Variants in C1orf54 observed in about 807,000 individuals in gnomAD.
The protein encoded by C1orf54 is chromosome 1 open reading frame 54.
A neutral mutation model predicts 14.7 loss-of-function variants in C1orf54; 12 were observed. The observed-to-expected ratio is 0.82, with a 90% CI of 0.52 to 1.32. C1orf54 has a LOEUF of 1.32. Ranked by LOEUF, C1orf54 falls within the 40% of genes most tolerant of loss-of-function variation. The pLI, the probability that C1orf54 is intolerant of heterozygous loss-of-function variation, is 0.00. For synonymous variants in C1orf54, 65 were observed against 56.3 expected (o/e 1.16, Z -0.70); for missense variants, 163 against 162.2 (o/e 1.00, Z -0.03).
upstream of C1orf54, chr1:150,268,834 T>G (rs781967022): frequency 2.5e-5 from 39 of 1,586,914 alleles, no homozygotes; most frequent in Admixed American, 4.4e-4. Flanking sequence ...GGAAGGGGGG[T>G]GGGGGCCTGA....
upstream of C1orf54, chr1:150,269,109 G>A: frequency 3.0e-6 from 1 of 334,122 alleles, no homozygotes; most frequent in Non-Finnish European, 5.8e-6. Context: ...GGAGCTGCTC[G>A]ACCTGCTGGG....
upstream of C1orf54, among the ~76,000 whole-genome samples, chr1:150,271,609 T>G (rs1478176736): frequency 6.6e-6 from 1 of 152,262 alleles, no homozygotes; most frequent in Admixed American, 6.5e-5. Context: ...CTCAATTGCC[T>G]ATCACACTAG....
chr1:150,272,858 T>C lies in C1orf54; in HGVS notation c.41T>C (p.Ile14Thr). ...GTAGCCATCTTTGCTGTGCCACTTA[T>C]CCTGGGTAAGTCCACTCCTCTCTCT... Reference protein sequence around the residue: ...LFVAIFAVPLILGQEYEDEER... With the variant: ...LFVAIFAVPLTLGQEYEDEER... The change falls in exon 1 of 6, where the codon ATC becomes ACC. Residue 14 changes from isoleucine (I) to threonine (T), a missense_variant. Transcript: ENST00000369099. 1.9e-6 allele frequency: 3 copies of C among 1,614,098 alleles called. No homozygotes were observed. Among genetic ancestry groups the C allele is most frequent in the Non-Finnish European group, 1.7e-6 (2 of 1,179,974 alleles).
chr1:150,270,981 G>A (rs1652168738), upstream of C1orf54, among the ~76,000 whole-genome samples: 1 of 113,856 alleles, frequency 8.8e-6, no homozygotes, highest in African/African-American at 3.4e-5. Flanking sequence ...GGGCAACAGA[G>A]TGAGACTCCG....
At chr1:150,277,322 T>C (rs1553852700) in intron 4 of C1orf54, among the ~76,000 whole-genome samples, 1 of 151,460 alleles carries the variant, frequency 6.6e-6, no homozygotes, top group African/African-American at 2.4e-5. Flanking sequence ...GCCAACATGG[T>C]GGAAACCCCA....
chr1:150,274,599 C>CAA (rs782444221), intron 2 of C1orf54, among the ~76,000 whole-genome samples: 133,798 of 135,554 alleles, frequency 0.99, 66,034 homozygotes, highest in South Asian at 1. Context: ...GACTCCATCT[C>CAA]AAAAAAAAAA....
chr1:150,271,279 ATT>A (rs1192307760), upstream of C1orf54, among the ~76,000 whole-genome samples: 1 of 151,888 alleles, frequency 6.6e-6, no homozygotes, highest in Non-Finnish European at 1.5e-5. Flanking sequence ...AGCCCAGCTA[ATT>A]TTTGTATTTT....
chr1:150,273,425 G>A (rs1652372655), intron 1 of C1orf54, among the ~76,000 whole-genome samples: 1 of 152,174 alleles, frequency 6.6e-6, no homozygotes, highest in African/African-American at 2.4e-5. Context: ...CATTAGCTTG[G>A]AGTTGAAGGG....
Position 150,275,434 on chromosome 1 carries a change from T to C in C1orf54, c.131-307T>C, listed in dbSNP as rs371323845. On this transcript the variant is annotated intron_variant, in intron 2 of 5. Coordinates refer to ENST00000369099, the MANE Select transcript of C1orf54 (RefSeq NM_024579.4). Reference sequence around the variant, plus strand: ...AGGAGGATCACTTGAGCTCAGGAGCTGGAGGTGGCAGTGAGCTATGATTGA... The same window carrying C: ...AGGAGGATCACTTGAGCTCAGGAGCCGGAGGTGGCAGTGAGCTATGATTGA... 1.3e-4 allele frequency among the ~76,000 whole-genome samples: 20 copies of C among 152,078 alleles called. No homozygotes were observed. The South Asian group carries it at 3.9e-3, about 30-fold the overall frequency.
At chr1:150,272,711 G>C (rs1273261155), upstream of C1orf54, 2 of 1,151,420 alleles carry the variant, frequency 1.7e-6, no homozygotes, top group Admixed American at 3.6e-5. Context: ...GAGAAGAGTT[G>C]CTGCAGCTCC....
intron 5 of C1orf54, among the ~76,000 whole-genome samples, chr1:150,280,141 T>G (rs964221709): frequency 2.0e-5 from 3 of 152,248 alleles, no homozygotes; most frequent in Non-Finnish European, 4.4e-5. Flanking sequence ...GAAGGATCCC[T>G]TAAGCCCAAG....
intron 4 of C1orf54, 32 bp from the exon 5 acceptor site, chr1:150,279,611 C>T (rs782576400): frequency 1.3e-6 from 2 of 1,583,754 alleles, no homozygotes; most frequent in African/African-American, 1.4e-5. Context: ...ATGACACCAG[C>T]CTACTGTGTG....
At chr1:150,272,275 T>C (rs1464814633), upstream of C1orf54, 1 of 155,546 alleles carries the variant, frequency 6.4e-6, no homozygotes, top group African/African-American at 2.4e-5. Context: ...TTGTTCCTAT[T>C]CTCTATAGCT....
chr1:150,269,029 G>T (rs200786809), upstream of C1orf54: 1 of 501,860 alleles, frequency 2.0e-6, no homozygotes, highest in Non-Finnish European at 3.7e-6. Context: ...GACAAATCCC[G>T]GCCGCAGCCC....
At chr1:150,271,574 T>C (rs1652208761), upstream of C1orf54, among the ~76,000 whole-genome samples, 1 of 152,360 alleles carries the variant, frequency 6.6e-6, no homozygotes, top group African/African-American at 2.4e-5. Context: ...AAAACTGTCT[T>C]TTCTTATTCC....
At chr1:150,269,857 C>T (rs587700433), upstream of C1orf54, among the ~76,000 whole-genome samples, 3 of 151,924 alleles carry the variant, frequency 2.0e-5, no homozygotes, top group East Asian at 1.9e-4. Context: ...GCCAACATGG[C>T]GAAACCCCAT....
At chr1:150,275,879 A>G (rs59214440) in intron 3 of C1orf54, 80 bp downstream of exon 3, 10 of 1,295,096 alleles carry the variant, frequency 7.7e-6, no homozygotes, top group Admixed American at 1.8e-5. Flanking sequence ...GCTCATGCCT[A>G]TAATCCCAGC....
At chr1:150,273,880 G>A (rs1399578358) in intron 1 of C1orf54, among the ~76,000 whole-genome samples, 4 of 152,172 alleles carry the variant, frequency 2.6e-5, no homozygotes, top group African/African-American at 9.7e-5. Context: ...CGGAGTAACA[G>A]GCCTCATTAC....
upstream of C1orf54, chr1:150,272,690 C>T (rs1553851503): frequency 6.5e-6 from 6 of 923,870 alleles, no homozygotes; most frequent in South Asian, 1.5e-5. Context: ...GGGAGTTCTG[C>T]CCCCTGGGAG....
Sources: allele counts gnomAD v4.1 joint callset (sites outside exome capture counted in the v4.1 genomes callset), GRCh38; gene constraint gnomAD v4.1.1; transcripts MANE v1.5; gene names NCBI Gene and HGNC (gene_info 2026-07-23, HGNC 2026-07-21).